The following ABCA12 variants were observed in gnomAD, a reference collection of about 807,000 sequenced individuals.
The protein encoded by ABCA12 is glucosylceramide transporter ABCA12.
Under a neutral mutation model 293.5 loss-of-function variants are expected in ABCA12, and 156 were observed. That is an observed-to-expected ratio of 0.53 (90% confidence interval 0.47 to 0.61). The LOEUF (loss-of-function observed/expected upper bound fraction) is 0.61. ABCA12 is among the 20% of genes least tolerant of loss of function. The pLI, the probability that ABCA12 is intolerant of heterozygous loss-of-function variation, is 0.00. For missense variants in ABCA12, 2,797 were observed against 3,090.2 expected (o/e 0.91, Z 2.25); for synonymous variants, 1,063 against 1,108.0 (o/e 0.96, Z 0.81).
chr2:215,015,290 A>G (rs1700467731), intron 15 of ABCA12, among the ~76,000 whole-genome samples, 200 bp downstream of exon 15: 1 of 152,112 alleles, frequency 6.6e-6, no homozygotes, highest in African/African-American at 2.4e-5. Context: ...GTAAGGAATA[A>G]TATCAGTTTC....
chr2:214,967,865 A>C (rs1477877391), intron 38 of ABCA12, among the ~76,000 whole-genome samples: 2 of 152,182 alleles, frequency 1.3e-5, no homozygotes, highest in Admixed American at 6.5e-5. Flanking sequence ...TCTTACTACC[A>C]GATGAGAAAT....
rs936423525 is a variant in ABCA12 at position 215,013,450 on chromosome 2, G to A, written c.1957-1315C>T. On this transcript the variant is annotated intron_variant, in intron 15 of 52. Coordinates refer to ENST00000272895, the MANE Select transcript of ABCA12 (RefSeq NM_173076.3). The stretch of plus-strand genomic sequence containing the variant: ...GCTTTGTGTTCATATCTCCCACACC[G>A]CCCATCTCTCAGTCATGAAGATATG... 1.7e-4 allele frequency: 26 copies of A among 152,636 alleles called. No individual in the cohort carries two copies. The Middle Eastern group carries it at 4.9e-3, about 29-fold the overall frequency. The allele number at this position is 152,636 out of a possible 1,614,324, so 9.5% of individuals were successfully genotyped here.
rs767707248 is a variant in ABCA12, at chr2:215,064,205, G to A, written c.178C>T (p.Arg60Ter). Residue 60 changes from arginine to a stop codon, truncating the protein, a stop_gained, in exon 3 of 53, where the codon CGA (arginine) becomes TGA (stop). Transcript: ENST00000272895. LOFTEE classifies it high-confidence loss of function. The stretch of plus-strand genomic sequence containing the variant: ...AAGAATCCAGTACTAGGAAGGTTTC[G>A]AGGTGCGAGGTAACCTAAAATTAAA... ...TAKPTCYLAPRNLPSTGFFPF... is the reference protein window; with the variant it reads ...TAKPTCYLAP The A allele has an allele frequency of 1.1e-5, 18 of 1,612,370 alleles. No homozygotes were observed. The highest frequency in any genetic ancestry group is 3.3e-5 in the Admixed American group (2 of 59,822).
chr2:215,016,075 T>C (rs1700490702), intron 14 of ABCA12, among the ~76,000 whole-genome samples: 1 of 146,188 alleles, frequency 6.8e-6, no homozygotes, highest in East Asian at 2.1e-4. Context: ...ACCCTGGAGG[T>C]GGAGGTTGCA....
intron 37 of ABCA12, 90 bp from the exon 38 acceptor site, chr2:214,968,897 TG>T (rs1559120779): frequency 4.3e-5 from 49 of 1,139,126 alleles, no homozygotes; most frequent in Non-Finnish European, 5.3e-5. Context: ...CTCAACTTTT[TG>T]TTTCTGTTAG....
intron 29 of ABCA12, 146 bp downstream of exon 29, chr2:214,983,501 C>A: frequency 1.3e-6 from 1 of 785,552 alleles, no homozygotes; most frequent in South Asian, 1.5e-5. Context: ...TAAATGTTTG[C>A]AATATTAAAT....
At chr2:214,959,556 G>C (rs1399273148) in intron 39 of ABCA12, among the ~76,000 whole-genome samples, 1 of 152,132 alleles carries the variant, frequency 6.6e-6, no homozygotes, top group South Asian at 2.1e-4. Context: ...TGGGGAAATA[G>C]TGTAGCCTGA....
chr2:215,100,931 A>G (rs189513245), intron 2 of ABCA12, among the ~76,000 whole-genome samples: 2 of 152,330 alleles, frequency 1.3e-5, no homozygotes, highest in East Asian at 3.9e-4. Context: ...GTAACTTATC[A>G]ATGAAATCAT....
intron 2 of ABCA12, among the ~76,000 whole-genome samples, chr2:215,104,857 A>C (rs1702430590): frequency 6.6e-6 from 1 of 152,156 alleles, no homozygotes; most frequent in Non-Finnish European, 1.5e-5. Flanking sequence ...ACGGGGCTTT[A>C]TATTCATTTT....
chr2:214,938,550 AC>A (rs1376315786), intron 50 of ABCA12, among the ~76,000 whole-genome samples: 3 of 152,188 alleles, frequency 2.0e-5, no homozygotes, highest in Non-Finnish European at 4.4e-5. Context: ...ACTGTCTTCC[AC>A]GATGGTTGAA....
At chr2:214,987,148 T>C (rs1699805726) in intron 27 of ABCA12, among the ~76,000 whole-genome samples, 2 of 152,032 alleles carry the variant, frequency 1.3e-5, no homozygotes, top group Admixed American at 6.6e-5. Context: ...TCCAGTTCAT[T>C]AATAACTATC....
At position 215,033,376 on chromosome 2, in the gene ABCA12, T is replaced by A. The variant is rs1250504536; in HGVS notation, c.986-1480A>T. On this transcript the variant is annotated intron_variant, in intron 8 of 52. Transcript: ENST00000272895. ...AACTCCTATGTGATGCTCAGCAAGC[T>A]AATTGGTATTTGTAATACTATGTGG... Among the ~76,000 whole-genome samples, 2 of 152,232 alleles carry A rather than the reference T, an allele frequency of 1.3e-5. 1 individual carries two copies. Among genetic ancestry groups the A allele is most frequent in the Non-Finnish European group, 2.9e-5 (2 of 68,042 alleles).
intron 39 of ABCA12, among the ~76,000 whole-genome samples, chr2:214,960,118 T>A (rs1699073150): frequency 6.6e-6 from 1 of 152,146 alleles, no homozygotes; most frequent in Admixed American, 6.6e-5. Flanking sequence ...TTTCATTAAG[T>A]AGAATGTAAC....
At chr2:214,991,287 T>A (rs1699907080) in intron 23 of ABCA12, among the ~76,000 whole-genome samples, 1 of 152,196 alleles carries the variant, frequency 6.6e-6, no homozygotes, top group African/African-American at 2.4e-5. Flanking sequence ...TTAATTACAG[T>A]TCCACTTTAT....
At chr2:215,043,338 C>A (rs146132376) in intron 7 of ABCA12, among the ~76,000 whole-genome samples, 3 of 152,066 alleles carry the variant, frequency 2.0e-5, no homozygotes, top group African/African-American at 7.2e-5. Context: ...TATGCAGACT[C>A]TTTTACATAT....
At chr2:215,054,332 C>T (rs562993566) in intron 4 of ABCA12, among the ~76,000 whole-genome samples, 5 of 152,052 alleles carry the variant, frequency 3.3e-5, no homozygotes, top group Non-Finnish European at 5.9e-5. Context: ...GTGCAATTCT[C>T]AACATGTAGG....
Position 214,932,622 on chromosome 2 carries a change from T to G in ABCA12, c.*12A>C, listed in dbSNP as rs557733068. The G allele has an allele frequency of 2.5e-6, 4 of 1,595,670 alleles. No individual in the cohort carries two copies. The East Asian group carries it at 8.9e-5, about 36-fold the overall frequency. On this transcript the variant is annotated 3_prime_UTR_variant, in exon 53 of 53. Coordinates refer to ENST00000272895, the MANE Select transcript of ABCA12 (RefSeq NM_173076.3). ...CATTGGTCACACGCTGAGATTGAGT[T>G]TGCTGGAAGTGTTAAGACTCCATCT... is the stretch of plus-strand genomic sequence containing the variant.
intron 23 of ABCA12, among the ~76,000 whole-genome samples, chr2:214,992,983 A>G (rs1699957178): frequency 6.6e-6 from 1 of 152,160 alleles, no homozygotes; most frequent in Non-Finnish European, 1.5e-5. Flanking sequence ...TAAGTTTTCC[A>G]GGAAAAAAAA....
intron 49 of ABCA12, 48 bp from the exon 50 acceptor site, chr2:214,943,065 T>G (rs1348018578): frequency 2.7e-6 from 4 of 1,464,518 alleles, no homozygotes; most frequent in Non-Finnish European, 3.8e-6. Context: ...ACAGAAAACT[T>G]GGGTTGAAGT....
Sources: gnomAD v4.1 joint callset for allele counts (sites outside exome capture counted in the v4.1 genomes callset) on GRCh38, gnomAD v4.1.1 for gene constraint, MANE v1.5 for transcripts, NCBI Gene and HGNC (gene_info 2026-07-23, HGNC 2026-07-21) for gene names.